The following NLRP2 variants were observed in gnomAD, a reference collection of about 807,000 sequenced individuals.
The protein encoded by NLRP2 is NACHT, LRR and PYD domains-containing protein 2.
NLRP2 carries 107 observed loss-of-function variants against 97.2 expected under a neutral mutation model. The ratio of observed to expected loss-of-function variants is 1.10; its 90% confidence interval spans 0.94 to 1.29. The LOEUF (loss-of-function observed/expected upper bound fraction) is 1.29, where lower values mean the gene tolerates loss of function less well. NLRP2 is among the 50% of genes most tolerant of loss of function. The pLI is 0.00. For missense variants in NLRP2, 1,495 were observed against 1,330.3 expected, an observed-to-expected ratio of 1.12 and a Z score of -1.93; for synonymous variants, 663 against 551.5, an observed-to-expected ratio of 1.20 and a Z score of -2.83.
intron 10 of NLRP2, chr19:54,991,571 CAA>C (rs1374268935): frequency 5.3e-5 from 8 of 150,236 alleles, no homozygotes; most frequent in Non-Finnish European, 1.2e-4. Flanking sequence ...AATTATAGGA[CAA>C]ATCTTTAGAA....
rs141473350 is a variant in NLRP2 at position 54,986,277 on chromosome 19, G to A, written c.2328G>A (p.Glu776=). The A allele has an allele frequency of 3.1e-6, 5 of 1,614,070 alleles. No individual in the cohort carries two copies. The highest frequency in any genetic ancestry group is 1.3e-5 in the African/African-American group (1 of 75,030). Residue 776 remains glutamate (E), a synonymous_variant, in exon 8 of 13, where the codon GAG becomes GAA. Transcript: ENST00000448584. ...DQDDMFPALC[E]VLRHPECNLR... is the part of the protein sequence containing the mutation. ...ATGATATGTTTCCCGCATTGTGTGA[G>A]GTCTTGAGACATCCAGAATGTAACC...
chr19:54,996,052 AAC>A lies in NLRP2; in HGVS notation c.2880-1263_2880-1262del, dbSNP rs1491121043. On this transcript the variant is annotated intron_variant, in intron 11 of 12. Coordinates refer to ENST00000448584, the MANE Select transcript of NLRP2 (RefSeq NM_017852.5). ...GATCCTGTCTCAAAAAAAAAAAAAA[AAC>A]AAAAAAAACAAAGGCGCCTTTTTAA... 1.1e-3 allele frequency among the ~76,000 whole-genome samples: 129 copies of A among 119,396 alleles called. 1 individual carries two copies. The highest frequency in any genetic ancestry group is 5.9e-3 in the Middle Eastern group (1 of 170). 78.3% of individuals were successfully genotyped at this position (119,396 alleles called of 152,430 possible). A position where few individuals can be genotyped will look rare whatever the true frequency, so the allele number is the denominator to read the frequency against.
Position 54,982,201 on chromosome 19 carries a change from TC to T in NLRP2, c.505del (p.Arg169GlyfsTer24). On this transcript the variant is annotated frameshift_variant, in exon 6 of 13. Transcript: ENST00000448584. LOFTEE classifies it high-confidence loss of function. Reference sequence around the variant, plus strand: ...TGCAGGTATATATTGAAGACGAAGTTCCGGGAGATGTGGAAGAGCTGGCCTG... The same window carrying T: ...TGCAGGTATATATTGAAGACGAAGTTCGGGAGATGTGGAAGAGCTGGCCTG... ...NRCRYILKTK[F>X]REMWKSWPGD... 2 of 1,614,020 alleles carry T rather than the reference TC, an allele frequency of 1.2e-6. No homozygotes were observed. Among genetic ancestry groups the T allele is most frequent in the Non-Finnish European group, 1.7e-6 (2 of 1,180,032 alleles).
chr19:54,971,953 C>G (rs1006324902), intron 2 of NLRP2, among the ~76,000 whole-genome samples: 1 of 151,396 alleles, frequency 6.6e-6, no homozygotes, highest in Non-Finnish European at 1.5e-5. Context: ...CTCAGCCTCC[C>G]GAGTAGCCGG....
At chr19:54,989,582 A>G (rs1359976912) in intron 8 of NLRP2, 9 of 260,954 alleles carry the variant, frequency 3.4e-5, no homozygotes, top group Non-Finnish European at 6.7e-5. Context: ...TGTTGGTGCC[A>G]CTGGTCTGAC....
intron 4 of NLRP2, 114 bp from the exon 5 acceptor site, chr19:54,981,503 T>TC (rs1456893008): frequency 1.9e-6 from 1 of 524,838 alleles, no homozygotes; most frequent in African/African-American, 2.0e-5. Context: ...CTTTATCTGA[T>TC]CCCGTGCCCC....
At chr19:54,976,766 G>A (rs950114896) in intron 3 of NLRP2, 2 of 426,860 alleles carry the variant, frequency 4.7e-6, no homozygotes, top group East Asian at 1.5e-4. Flanking sequence ...CATTATCCAG[G>A]GTTAAGCTGC....
intron 12 of NLRP2, among the ~76,000 whole-genome samples, chr19:54,998,876 T>C (rs371040775): frequency 1.3e-4 from 19 of 150,836 alleles, no homozygotes; most frequent in South Asian, 6.2e-4. Flanking sequence ...TAACAAAGCA[T>C]ATCTTGCACC....
chr19:54,995,707 G>T (rs981700143), intron 11 of NLRP2, among the ~76,000 whole-genome samples: 2 of 152,078 alleles, frequency 1.3e-5, no homozygotes, highest in African/African-American at 4.8e-5. Context: ...ACAATCAGAT[G>T]CACTTGAACC....
intron 11 of NLRP2, among the ~76,000 whole-genome samples, chr19:54,996,299 G>A (rs540538515): frequency 2.6e-5 from 4 of 152,028 alleles, no homozygotes; most frequent in South Asian, 2.1e-4. Flanking sequence ...TCAGGAGTTC[G>A]TAGACCAGCC....
chr19:54,982,286 C>T lies in NLRP2; in HGVS notation c.588C>T (p.Ser196=), dbSNP rs1452991427. ...GATACAAGATGCTGATCCCATTCAG[C>T]AACCCCAGGGTGCTTCCCGGGCCCT... The part of the protein sequence containing the change: ...AERYKMLIPF[S]NPRVLPGPFS... The change falls in exon 6 of 13, where the codon AGC becomes AGT. Residue 196 remains serine, a synonymous_variant. Coordinates refer to ENST00000448584, the MANE Select transcript of NLRP2 (RefSeq NM_017852.5). The T allele has an allele frequency of 1.2e-6, 2 of 1,614,038 alleles. No individual in the cohort carries two copies. The highest frequency in any genetic ancestry group is 2.2e-5 in the East Asian group (1 of 44,878).
At chr19:54,972,486 T>A (rs2070927685) in intron 2 of NLRP2, among the ~76,000 whole-genome samples, 1 of 151,964 alleles carries the variant, frequency 6.6e-6, no homozygotes, top group African/African-American at 2.4e-5. Context: ...CAGCTACACT[T>A]TTTTTTGAAA....
chr19:54,971,873 G>C (rs2070877351), intron 2 of NLRP2, among the ~76,000 whole-genome samples: 1 of 152,086 alleles, frequency 6.6e-6, no homozygotes, highest in African/African-American at 2.4e-5. Flanking sequence ...CTGTCACCCA[G>C]GCTGGAATTT....
intron 10 of NLRP2, chr19:54,993,406 T>C (rs1407044688): frequency 6.6e-6 from 1 of 152,070 alleles, no homozygotes; most frequent in African/African-American, 2.4e-5. Flanking sequence ...GTTCAAATTA[T>C]AATTAAGTTT....
At chr19:54,990,900 G>A in intron 10 of NLRP2, 1 of 525,446 alleles carries the variant, frequency 1.9e-6, no homozygotes, top group South Asian at 2.3e-5. Context: ...TGGTTTTCGG[G>A]TTTTTTTTTT....
chr19:54,989,438 C>G (rs765967257), intron 8 of NLRP2: 15 of 162,780 alleles, frequency 9.2e-5, no homozygotes, highest in Non-Finnish European at 1.9e-4. Flanking sequence ...CGCCACTACA[C>G]TCCAGCCAGG....
chr19:54,995,914 C>T (rs2072783812), intron 11 of NLRP2, among the ~76,000 whole-genome samples: 1 of 151,868 alleles, frequency 6.6e-6, no homozygotes, highest in African/African-American at 2.4e-5. Flanking sequence ...TGGCTGTGTA[C>T]CTCTGCTCCC....
chr19:54,970,737 GTGTC>G (rs1378031031), intron 2 of NLRP2, among the ~76,000 whole-genome samples: 1 of 145,640 alleles, frequency 6.9e-6, no homozygotes, highest in Non-Finnish European at 1.5e-5. Context: ...ATAAACCCTG[GTGTC>G]TGTCCTGGTC....
chr19:54,989,119 A>G (rs952628697), intron 8 of NLRP2, among the ~76,000 whole-genome samples: 3 of 151,274 alleles, frequency 2.0e-5, no homozygotes, highest in African/African-American at 4.8e-5. Context: ...CGCCACGCCC[A>G]TCTAACTTTT....
Sources: allele counts gnomAD v4.1 joint callset (sites outside exome capture counted in the v4.1 genomes callset), GRCh38; gene constraint gnomAD v4.1.1; transcripts MANE v1.5; gene names NCBI Gene and HGNC (gene_info 2026-07-23, HGNC 2026-07-21).